The following SCFD2 variants were observed in gnomAD, a reference collection of about 807,000 sequenced individuals.
SCFD2 encodes sec1 family domain-containing protein 2.
In SCFD2, 54 loss-of-function variants were observed where a neutral mutation model predicts 58.9. The ratio of observed to expected loss-of-function variants is 0.92; its 90% CI spans 0.74 to 1.15. The LOEUF (loss-of-function observed/expected upper bound fraction) is 1.15. Among genes scored for constraint, SCFD2 ranks in the 50% most tolerant of loss-of-function variants. The pLI, the probability that SCFD2 is intolerant of heterozygous loss-of-function variation, is 0.00. For synonymous variants in SCFD2, 321 were observed against 335.9 expected (o/e 0.96, Z 0.49); for missense variants, 805 against 836.6 (o/e 0.96, Z 0.47).
At chr4:53,116,430 C>T (rs140510820) in intron 5 of SCFD2, among the ~76,000 whole-genome samples, 55 of 152,176 alleles carry the variant, frequency 3.6e-4, no homozygotes, top group Non-Finnish European at 6.9e-4. Context: ...AGCTTTCTGC[C>T]CAGAAGTGCC....
chr4:53,165,078 G>T (rs1726967580), intron 4 of SCFD2, among the ~76,000 whole-genome samples: 2 of 152,164 alleles, frequency 1.3e-5, no homozygotes, highest in Non-Finnish European at 2.9e-5. Context: ...CACTCTCCTT[G>T]TTCCCTTACT....
intron 7 of SCFD2, among the ~76,000 whole-genome samples, chr4:52,901,516 G>T (rs550093627): frequency 2.0e-5 from 3 of 152,306 alleles, no homozygotes; most frequent in Admixed American, 6.5e-5. Flanking sequence ...GGCCACATGA[G>T]AATGGCCACA....
intron 3 of SCFD2, among the ~76,000 whole-genome samples, chr4:53,305,118 T>C (rs1732471532): frequency 1.3e-5 from 2 of 152,144 alleles, no homozygotes; most frequent in Admixed American, 6.5e-5. Context: ...TTGTGGCAAA[T>C]GGATATCCTT....
rs1441924798 is a variant in SCFD2 at position 53,145,599 on chromosome 4, T to C, written c.1312-17A>G. On this transcript the variant is annotated splice_polypyrimidine_tract_variant and intron_variant, in intron 4 of 8. Transcript: ENST00000401642. ...CCCAATGCTCTAAAATAAAAAATGA[T>C]ATGAAAATATGTCAATCTTGTATAA... The C allele has an allele frequency of 6.2e-7, 1 of 1,603,080 alleles. No individual in the cohort carries two copies. Among genetic ancestry groups the C allele is most frequent in the Non-Finnish European group, 8.5e-7 (1 of 1,174,756 alleles).
intron 5 of SCFD2, among the ~76,000 whole-genome samples, chr4:53,040,245 C>A (rs1362530299): frequency 1.3e-5 from 2 of 152,110 alleles, no homozygotes; most frequent in Admixed American, 6.6e-5. Context: ...ATATCTTTAT[C>A]TGAGACCATG....
intron 8 of SCFD2, among the ~76,000 whole-genome samples, chr4:52,884,487 C>T (rs536105419): frequency 1.0e-3 from 156 of 152,316 alleles, no homozygotes; most frequent in African/African-American, 3.6e-3. Flanking sequence ...ACACCACCTC[C>T]TCAGGGGCCA....
chr4:53,181,033 G>T (rs1418489547), intron 4 of SCFD2, among the ~76,000 whole-genome samples: 1 of 152,108 alleles, frequency 6.6e-6, no homozygotes, highest in Non-Finnish European at 1.5e-5. Context: ...GCCAAAAAAA[G>T]TCCAGGACCA....
chr4:53,161,977 C>T (rs1324578807), intron 4 of SCFD2, among the ~76,000 whole-genome samples: 1 of 152,086 alleles, frequency 6.6e-6, no homozygotes, highest in Non-Finnish European at 1.5e-5. Flanking sequence ...ATAATAAAAA[C>T]AGGTCAATAC....
intron 3 of SCFD2, among the ~76,000 whole-genome samples, chr4:53,274,308 T>C (rs1413481848): frequency 6.6e-6 from 1 of 152,168 alleles, no homozygotes; most frequent in Non-Finnish European, 1.5e-5. Flanking sequence ...TCAAATAAAG[T>C]CACACAAATA....
At chr4:52,908,076 C>G (rs988342257) in intron 6 of SCFD2, among the ~76,000 whole-genome samples, 11 of 152,144 alleles carry the variant, frequency 7.2e-5, no homozygotes, top group African/African-American at 2.7e-4. Flanking sequence ...CTTCCTTCTA[C>G]AGAGCTCAAT....
chr4:53,088,949 A>G (rs968588388), intron 5 of SCFD2, among the ~76,000 whole-genome samples: 1 of 152,168 alleles, frequency 6.6e-6, no homozygotes, highest in African/African-American at 2.4e-5. Flanking sequence ...CCATGAGGGC[A>G]GAGTCCTTAT....
chr4:52,897,525 T>C (rs1019269153), intron 7 of SCFD2, among the ~76,000 whole-genome samples: 2 of 152,218 alleles, frequency 1.3e-5, no homozygotes, highest in African/African-American at 4.8e-5. Flanking sequence ...TCATGGTGGA[T>C]AAGCTTTTTG....
At chr4:53,196,840 T>C (rs983235172) in intron 4 of SCFD2, among the ~76,000 whole-genome samples, 1 of 151,898 alleles carries the variant, frequency 6.6e-6, no homozygotes, top group Non-Finnish European at 1.5e-5. Context: ...TTTTACTCAA[T>C]GCAAAAGAAT....
intron 5 of SCFD2, among the ~76,000 whole-genome samples, chr4:52,938,620 G>T (rs1720205582): frequency 6.6e-6 from 1 of 152,210 alleles, no homozygotes; most frequent in South Asian, 2.1e-4. Context: ...CTTAAAATTA[G>T]ATTCCAACTC....
intron 2 of SCFD2, among the ~76,000 whole-genome samples, chr4:53,352,283 A>C (rs1419118399): frequency 6.6e-6 from 1 of 152,232 alleles, no homozygotes; most frequent in Non-Finnish European, 1.5e-5. Context: ...ACTGAGGAAG[A>C]CTAGACTCAA....
In SCFD2 at chr4:53,273,979, G is replaced by A; in HGVS notation, c.1158C>T (p.Leu386=). The A allele has an allele frequency of 6.2e-7, 1 of 1,612,052 alleles. No individual in the cohort carries two copies. Among genetic ancestry groups the A allele is most frequent in the Non-Finnish European group, 8.5e-7 (1 of 1,179,086 alleles). The change falls in exon 4 of 9, where the codon CTC becomes CTT. Residue 386 remains leucine, a synonymous_variant. Transcript: ENST00000401642. ...TCTTGAAGAGCTGAATATAGGACATGAGCTGTCCCGGTGTGACTCTCCCTG... is the reference window on the plus strand; with the variant it reads ...TCTTGAAGAGCTGAATATAGGACATAAGCTGTCCCGGTGTGACTCTCCCTG... ...MSMGRVTPGQ[L]MSYIQLFKNN...
chr4:53,249,040 G>T (rs906033411), intron 4 of SCFD2, among the ~76,000 whole-genome samples: 12 of 152,130 alleles, frequency 7.9e-5, no homozygotes, highest in Non-Finnish European at 2.9e-5. Flanking sequence ...CAAAGGCAAA[G>T]AAGTTAAAAA....
chr4:53,014,917 T>C (rs1438364544), intron 5 of SCFD2, among the ~76,000 whole-genome samples: 9 of 152,240 alleles, frequency 5.9e-5, no homozygotes, highest in Non-Finnish European at 1.0e-4. Flanking sequence ...ACGCATTAAC[T>C]CAGCATTCCC....
intron 7 of SCFD2, among the ~76,000 whole-genome samples, chr4:52,888,128 T>C (rs1718787094): frequency 1.3e-5 from 2 of 152,106 alleles, no homozygotes; most frequent in South Asian, 4.2e-4. Flanking sequence ...GCCAGGATGG[T>C]CTCGATCTCC....
Sources: allele counts gnomAD v4.1 joint callset (sites outside exome capture counted in the v4.1 genomes callset), GRCh38; gene constraint gnomAD v4.1.1; transcripts MANE v1.5; gene names NCBI Gene and HGNC (gene_info 2026-07-23, HGNC 2026-07-21).